Variants in OR1J2 observed in about 807,000 individuals in gnomAD.
OR1J2 encodes the protein olfactory receptor 1J2.
For synonymous variants in OR1J2, 142 were observed against 99.7 expected (o/e 1.42, Z -2.52); for missense variants, 304 against 246.1 (o/e 1.24, Z -1.57).
the OR1J2 span, among the ~76,000 whole-genome samples, chr9:122,451,206 ATGGAGT>A: frequency 1.4e-5 from 2 of 143,508 alleles, no homozygotes; most frequent in African/African-American, 5.1e-5. Context: ...TTATTTTGAG[ATGGAGT>A]TTCGCTCTTG....
the OR1J2 span, among the ~76,000 whole-genome samples, chr9:122,489,766 TC>T: frequency 6.6e-6 from 1 of 152,206 alleles, no homozygotes; most frequent in Non-Finnish European, 1.5e-5. Context: ...TTTAACTTTT[TC>T]TCCACATTGG....
chr9:122,474,128 G>A, the OR1J2 span, among the ~76,000 whole-genome samples: 1 of 152,146 alleles, frequency 6.6e-6, no homozygotes, highest in Non-Finnish European at 1.5e-5. Context: ...TGGCTCAAAA[G>A]CATCATGCAA....
the OR1J2 span, among the ~76,000 whole-genome samples, chr9:122,538,380 G>A: frequency 0.046 from 6,946 of 152,194 alleles, 223 homozygotes; most frequent in Middle Eastern, 0.075. Flanking sequence ...TACTTTGTGT[G>A]TGTTTGTGGC....
At chr9:122,474,338 T>C in the OR1J2 span, among the ~76,000 whole-genome samples, 1 of 152,216 alleles carries the variant, frequency 6.6e-6, no homozygotes, top group East Asian at 1.9e-4. Context: ...GCCTAAGAGC[T>C]TCTCCTTCTG....
upstream of OR1J2, among the ~76,000 whole-genome samples, chr9:122,507,944 T>C (rs1443059448): frequency 1.3e-5 from 2 of 152,152 alleles, no homozygotes; most frequent in African/African-American, 4.8e-5. Flanking sequence ...TGTTTAAAGA[T>C]CTTCATCTTT....
chr9:122,511,663 T>G lies in OR1J2; in HGVS notation c.862T>G (p.Phe288Val), dbSNP rs1349802061. Reference sequence around the variant, plus strand: ...GGTGGTCACACCCATGTTGAACCCCTTTATCTACAGCCTTAGGAACAGGGA... The same window carrying G: ...GGTGGTCACACCCATGTTGAACCCCGTTATCTACAGCCTTAGGAACAGGGA... The part of the protein sequence containing the change: ...YTVVTPMLNP[F>V]IYSLRNRDMK... The change falls in exon 1 of 1, where the codon TTT (phenylalanine) becomes GTT (valine). Residue 288 changes from phenylalanine to valine, a missense_variant. Transcript: ENST00000335302. 3 of 780,980 alleles carry G rather than the reference T, an allele frequency of 3.8e-6. No individual in the cohort carries two copies. Among genetic ancestry groups the G allele is most frequent in the Non-Finnish European group, 7.2e-6 (3 of 418,134 alleles). The allele number at this position is 780,980 out of a possible 1,614,324, so 48.4% of individuals were successfully genotyped here.
At chr9:122,469,609 G>A in the OR1J2 span, among the ~76,000 whole-genome samples, 95 of 152,228 alleles carry the variant, frequency 6.2e-4, no homozygotes, top group Non-Finnish European at 1.8e-4. Context: ...AGCGACTTTA[G>A]AACTGGGTAA....
chr9:122,520,892 T>C, the OR1J2 span, among the ~76,000 whole-genome samples: 1 of 152,244 alleles, frequency 6.6e-6, no homozygotes, highest in East Asian at 1.9e-4. Context: ...TTCTATGGTC[T>C]CCGCCATCCA....
At chr9:122,451,849 G>T in the OR1J2 span, among the ~76,000 whole-genome samples, 1 of 152,100 alleles carries the variant, frequency 6.6e-6, no homozygotes, top group African/African-American at 2.4e-5. Flanking sequence ...CTCTGGTCTG[G>T]GGGCATAATT....
At chr9:122,572,095 C>T in the OR1J2 span, among the ~76,000 whole-genome samples, 1 of 152,162 alleles carries the variant, frequency 6.6e-6, no homozygotes, top group Non-Finnish European at 1.5e-5. Flanking sequence ...GGAGGCGCTA[C>T]ACACTTTTTA....
chr9:122,463,950 A>G, the OR1J2 span, among the ~76,000 whole-genome samples: 1 of 152,198 alleles, frequency 6.6e-6, no homozygotes, highest in Non-Finnish European at 1.5e-5. Context: ...ACATTAGCAC[A>G]TCAGCACATC....
the OR1J2 span, among the ~76,000 whole-genome samples, chr9:122,457,064 C>T: frequency 6.6e-6 from 1 of 152,126 alleles, no homozygotes; most frequent in Admixed American, 6.6e-5. Context: ...AGATCATGTC[C>T]TTTGCAGGGA....
At chr9:122,479,353 A>G in the OR1J2 span, among the ~76,000 whole-genome samples, 4 of 152,152 alleles carry the variant, frequency 2.6e-5, no homozygotes, top group African/African-American at 9.7e-5. Context: ...GAGTAAGTAA[A>G]ATGCTGATGA....
At chr9:122,466,757 T>TG in the OR1J2 span, among the ~76,000 whole-genome samples, 1 of 152,064 alleles carries the variant, frequency 6.6e-6, no homozygotes, top group Non-Finnish European at 1.5e-5. Flanking sequence ...CAAGGACTTA[T>TG]GGGGGATTTT....
At chr9:122,514,924 G>A (rs960139079), downstream of OR1J2, among the ~76,000 whole-genome samples, 1 of 152,146 alleles carries the variant, frequency 6.6e-6, no homozygotes, top group Non-Finnish European at 1.5e-5. Flanking sequence ...GAATATCTCC[G>A]CAGGTGGAGC....
the OR1J2 span, among the ~76,000 whole-genome samples, chr9:122,494,739 T>C: frequency 1.3e-5 from 2 of 152,156 alleles, no homozygotes; most frequent in Admixed American, 1.3e-4. Flanking sequence ...TGTTGCTGAA[T>C]ACTTGGTTTT....
downstream of OR1J2, among the ~76,000 whole-genome samples, chr9:122,513,707 G>A (rs749112627): frequency 2.7e-5 from 4 of 149,332 alleles, no homozygotes; most frequent in Admixed American, 1.3e-4. Flanking sequence ...CCCACCCCCC[G>A]ACAGGCCCTG....
chr9:122,462,842 C>T, the OR1J2 span, among the ~76,000 whole-genome samples: 7 of 152,282 alleles, frequency 4.6e-5, no homozygotes, highest in African/African-American at 1.2e-4. Flanking sequence ...GCTTTTGCCT[C>T]GCAGCTCTTA....
the OR1J2 span, chr9:122,567,407 G>T: frequency 1.7e-6 from 1 of 591,836 alleles, no homozygotes; most frequent in Non-Finnish European, 2.9e-6. Flanking sequence ...ATCATCAATG[G>T]ATGTAAGTGC....
Sources: allele counts gnomAD v4.1 joint callset (sites outside exome capture counted in the v4.1 genomes callset), GRCh38; gene constraint gnomAD v4.1.1; transcripts MANE v1.5; gene names NCBI Gene and HGNC (gene_info 2026-07-23, HGNC 2026-07-21).